The following PRELID2 variants were observed in gnomAD, a reference collection of about 807,000 sequenced individuals.
PRELID2 encodes PRELI domain containing 2.
In PRELID2, 25 loss-of-function variants were observed where a neutral mutation model predicts 28.4. The observed-to-expected ratio is 0.88, with a 90% confidence interval of 0.64 to 1.23. PRELID2 has a LOEUF of 1.23. Among genes scored for constraint, PRELID2 ranks in the 50% most tolerant of loss-of-function variants. PRELID2 has a pLI of 0.00. For missense variants in PRELID2, 201 were observed against 214.4 expected (o/e 0.94, Z 0.39); for synonymous variants, 76 against 71.6 (o/e 1.06, Z -0.31).
the PRELID2 span, among the ~76,000 whole-genome samples, chr5:145,452,365 T>A: frequency 1.3e-5 from 2 of 152,182 alleles, no homozygotes; most frequent in African/African-American, 4.8e-5. Flanking sequence ...TTATTGCAAC[T>A]TACATTGCAC....
chr5:145,415,260 T>C, the PRELID2 span, among the ~76,000 whole-genome samples: 1 of 151,344 alleles, frequency 6.6e-6, no homozygotes, highest in Admixed American at 6.6e-5. Flanking sequence ...GTTTTGTTTT[T>C]TATTTTATTT....
At chr5:145,820,161 G>A (rs1459486775) in intron 2 of PRELID2, 143 bp from the exon 3 acceptor site, 8 of 579,852 alleles carry the variant, frequency 1.4e-5, no homozygotes, top group East Asian at 3.0e-5. Flanking sequence ...GAGTGCAATG[G>A]CACGGTCTCG....
At chr5:145,576,374 C>A (rs545023180) in intron 1 of PRELID2, among the ~76,000 whole-genome samples, 15 of 152,080 alleles carry the variant, frequency 9.9e-5, no homozygotes, top group East Asian at 1.9e-4. Context: ...ATACAACATG[C>A]GGTCTTTTGT....
At chr5:145,637,807 A>ATTC (rs1247895775) in intron 1 of PRELID2, among the ~76,000 whole-genome samples, 4 of 138,248 alleles carry the variant, frequency 2.9e-5, no homozygotes, top group African/African-American at 1.2e-4. Flanking sequence ...ACACAAAACC[A>ATTC]TTCTTTTTTT....
the PRELID2 span, among the ~76,000 whole-genome samples, chr5:145,275,215 C>G: frequency 7.9e-5 from 12 of 152,110 alleles, no homozygotes; most frequent in Non-Finnish European, 1.3e-4. Flanking sequence ...TTACTCTGTG[C>G]AGGGCATTGT....
intron 1 of PRELID2, among the ~76,000 whole-genome samples, chr5:145,693,130 G>A (rs1442429402): frequency 1.3e-5 from 2 of 151,038 alleles, no homozygotes; most frequent in Non-Finnish European, 2.9e-5. Flanking sequence ...TTGTTCCTAG[G>A]GAAAAATAAA....
chr5:145,357,715 C>T, the PRELID2 span, among the ~76,000 whole-genome samples: 2 of 152,082 alleles, frequency 1.3e-5, no homozygotes, highest in Non-Finnish European at 2.9e-5. Flanking sequence ...GATCTTTGTT[C>T]CTATCCATAT....
chr5:145,378,267 C>T, the PRELID2 span, among the ~76,000 whole-genome samples: 16 of 152,002 alleles, frequency 1.1e-4, no homozygotes, highest in African/African-American at 1.9e-4. Context: ...GTGTGTCTTG[C>T]GGAGGATCTT....
chr5:145,657,397 G>A (rs908892727), intron 1 of PRELID2, among the ~76,000 whole-genome samples: 12 of 152,172 alleles, frequency 7.9e-5, no homozygotes, highest in Non-Finnish European at 1.3e-4. Flanking sequence ...TACATTAGCT[G>A]AAAGTGAAAT....
the PRELID2 span, among the ~76,000 whole-genome samples, chr5:145,350,982 T>C: frequency 6.6e-6 from 1 of 152,178 alleles, no homozygotes; most frequent in African/African-American, 2.4e-5. Flanking sequence ...GAGCACTTGA[T>C]ATAAGCCAGT....
intron 1 of PRELID2, among the ~76,000 whole-genome samples, chr5:145,615,601 C>T (rs1001481180): frequency 8.6e-6 from 1 of 116,316 alleles, no homozygotes; most frequent in East Asian, 2.5e-4. Flanking sequence ...GCTGGGATTA[C>T]AGGCGTGAGC....
chr5:145,270,486 A>G, the PRELID2 span, among the ~76,000 whole-genome samples: 1 of 152,156 alleles, frequency 6.6e-6, no homozygotes, highest in Non-Finnish European at 1.5e-5. Flanking sequence ...AAGAGTGCAT[A>G]GTGTGTAATC....
the PRELID2 span, among the ~76,000 whole-genome samples, chr5:145,372,549 A>G: frequency 6.6e-6 from 1 of 151,936 alleles, no homozygotes. Context: ...GTGCATATAT[A>G]TTTAGAATAA....
the PRELID2 span, among the ~76,000 whole-genome samples, chr5:145,230,533 T>G: frequency 6.6e-6 from 1 of 151,654 alleles, no homozygotes; most frequent in East Asian, 1.9e-4. Context: ...GAGCTGAGAT[T>G]AAGCCACGGC....
At chr5:145,595,577 C>T (rs1561514084) in intron 1 of PRELID2, among the ~76,000 whole-genome samples, 1 of 152,100 alleles carries the variant, frequency 6.6e-6, no homozygotes. Flanking sequence ...GTAGTGTATG[C>T]CATACCCTGG....
chr5:145,415,014 C>A, the PRELID2 span, among the ~76,000 whole-genome samples: 3 of 152,248 alleles, frequency 2.0e-5, no homozygotes, highest in East Asian at 5.8e-4. Flanking sequence ...ATCTATAGAA[C>A]TCTCCACCCC....
chr5:145,383,206 G>GTA, the PRELID2 span, among the ~76,000 whole-genome samples: 2 of 151,308 alleles, frequency 1.3e-5, no homozygotes, highest in Non-Finnish European at 3.0e-5. Flanking sequence ...ATACATGTGT[G>GTA]TATATATATC....
the PRELID2 span, among the ~76,000 whole-genome samples, chr5:145,395,530 G>A: frequency 1.3e-5 from 2 of 152,102 alleles, no homozygotes; most frequent in Admixed American, 6.6e-5. Flanking sequence ...TAGTGCAAAG[G>A]AATCAACCAG....
chr5:145,740,517 T>C (rs1756642022), intron 1 of PRELID2, among the ~76,000 whole-genome samples: 1 of 136,416 alleles, frequency 7.3e-6, no homozygotes, highest in Non-Finnish European at 1.6e-5. Flanking sequence ...AGAATCTAAC[T>C]AGCATTTATA....
Sources: allele counts gnomAD v4.1 joint callset (sites outside exome capture counted in the v4.1 genomes callset), GRCh38; gene constraint gnomAD v4.1.1; transcripts MANE v1.5; gene names NCBI Gene and HGNC (gene_info 2026-07-23, HGNC 2026-07-21).